Variants in ZNF600 observed in about 807,000 individuals in gnomAD.
The protein encoded by ZNF600 is zinc finger protein KR-ZNF1.
A neutral mutation model predicts 7.3 loss-of-function variants in ZNF600; 4 were observed. The observed-to-expected ratio is 0.55, with a 90% CI of 0.27 to 1.25. The LOEUF is 1.25. Among genes scored for constraint, ZNF600 ranks in the 50% most tolerant of loss-of-function variants. The probability of loss-of-function intolerance (pLI) is 0.12; values close to 1 mark genes in which losing one functional copy is unlikely to be tolerated. For synonymous variants in ZNF600, 290 were observed against 308.9 expected, an observed-to-expected ratio of 0.94 and a Z score of 0.64; for missense variants, 911 against 922.1, an observed-to-expected ratio of 0.99 and a Z score of 0.16.
At chr19:52,805,996 A>G in the ZNF600 span, 1 of 152,270 alleles carries the variant, frequency 6.6e-6, no homozygotes, top group South Asian at 2.1e-4. Flanking sequence ...TACATAAAGT[A>G]ATTAATTAAT....
exon 4 of ZNF600, chr19:52,767,365 G>T: frequency 1.2e-6 from 2 of 1,614,016 alleles, no homozygotes; most frequent in Non-Finnish European, 1.7e-6. Flanking sequence ...TGGATTTGGG[G>T]CCTAGGAGAA....
rs1319605218 is a variant in ZNF600 at position 52,773,247 on chromosome 19, T to C, written c.190+1328A>G. Among the ~76,000 whole-genome samples, 3 of 152,114 alleles carry C rather than the reference T, an allele frequency of 2.0e-5. 1 individual carries two copies. The highest frequency in any genetic ancestry group is 4.8e-5 in the African/African-American group (2 of 41,388). On this transcript the variant is annotated intron_variant, in intron 3 of 3. Transcript: ENST00000648973. The stretch of plus-strand genomic sequence containing the variant: ...ACTAGGATAGACCAAATCTTGAGCT[T>C]GGAAGAAAGTGGAACTAATTTAGCA...
chr19:52,818,479 G>A, the ZNF600 span, among the ~76,000 whole-genome samples: 1 of 152,174 alleles, frequency 6.6e-6, no homozygotes, highest in East Asian at 1.9e-4. Flanking sequence ...CTGAAAGGCC[G>A]AGGTGGGTGG....
the ZNF600 span, among the ~76,000 whole-genome samples, chr19:52,816,506 C>T: frequency 6.9e-6 from 1 of 144,844 alleles, no homozygotes; most frequent in East Asian, 2.0e-4. Flanking sequence ...CTACTAAAAA[C>T]ACAAAAAATT....
chr19:52,826,661 A>G, the ZNF600 span, among the ~76,000 whole-genome samples: 110,579 of 151,790 alleles, frequency 0.73, 40,984 homozygotes, highest in African/African-American at 0.82. Context: ...AGCCGAGACC[A>G]CACCAATGCA....
the ZNF600 span, among the ~76,000 whole-genome samples, chr19:52,818,216 G>A: frequency 3.3e-5 from 5 of 152,102 alleles, no homozygotes; most frequent in African/African-American, 9.7e-5. Context: ...CCACACACAC[G>A]CTGCAGCAGT....
At chr19:52,817,258 G>C in the ZNF600 span, among the ~76,000 whole-genome samples, 1 of 152,072 alleles carries the variant, frequency 6.6e-6, no homozygotes, top group East Asian at 1.9e-4. Flanking sequence ...TGTAATGCCA[G>C]CTACTCGGGA....
upstream of ZNF600, among the ~76,000 whole-genome samples, chr19:52,786,956 A>G (rs563217961): frequency 6.6e-6 from 1 of 152,362 alleles, no homozygotes; most frequent in South Asian, 2.1e-4. Context: ...TGGAGGCGAC[A>G]GCGGCCAGGA....
chr19:52,816,746 G>A, the ZNF600 span, among the ~76,000 whole-genome samples: 9 of 95,316 alleles, frequency 9.4e-5, 1 homozygote, highest in East Asian at 2.0e-3. Flanking sequence ...ACAGAGAATC[G>A]CTTCAACCTG....
At chr19:52,779,618 C>T (rs13346826) in intron 1 of ZNF600, among the ~76,000 whole-genome samples, 1 of 152,168 alleles carries the variant, frequency 6.6e-6, no homozygotes, top group Non-Finnish European at 1.5e-5. Flanking sequence ...CGAGCCCCAA[C>T]TCACTAAGCA....
At chr19:52,774,441 C>T (rs1000188220) in intron 3 of ZNF600, 134 bp downstream of exon 5, 2 of 882,224 alleles carry the variant, frequency 2.3e-6, no homozygotes, top group African/African-American at 4.6e-5. Flanking sequence ...AACAAAAAAA[C>T]AAAACAAAAA....
chr19:52,765,897 T>A (rs1195088254), exon 4 of ZNF600: 10 of 1,613,900 alleles, frequency 6.2e-6, no homozygotes, highest in South Asian at 1.1e-5. Context: ...TGATTGTTGA[T>A]TAAAAGCCTT....
the ZNF600 span, among the ~76,000 whole-genome samples, chr19:52,802,117 T>C: frequency 6.6e-6 from 1 of 152,214 alleles, no homozygotes; most frequent in East Asian, 1.9e-4. Flanking sequence ...ACTATATTGG[T>C]AAATAATCCA....
chr19:52,801,113 T>C, the ZNF600 span: 1 of 1,614,140 alleles, frequency 6.2e-7, no homozygotes, highest in Non-Finnish European at 8.5e-7. Flanking sequence ...ATACATCACA[T>C]TTACATTGTT....
chr19:52,767,630 A>T, exon 4 of ZNF600: 1 of 1,614,016 alleles, frequency 6.2e-7, no homozygotes, highest in South Asian at 1.1e-5. Context: ...ACTCAATATC[A>T]TGAATTTCTT....
the ZNF600 span, among the ~76,000 whole-genome samples, chr19:52,820,892 GCT>G: frequency 6.6e-6 from 1 of 151,828 alleles, no homozygotes. Flanking sequence ...GTTTTCTACT[GCT>G]CTCTTAGTCC....
At chr19:52,824,755 C>T in the ZNF600 span, among the ~76,000 whole-genome samples, 2 of 152,026 alleles carry the variant, frequency 1.3e-5, no homozygotes, top group Admixed American at 6.6e-5. Flanking sequence ...CACCAAAAAC[C>T]GTGAAAGCTG....
the ZNF600 span, chr19:52,808,238 C>T: frequency 6.5e-7 from 1 of 1,535,994 alleles, no homozygotes; most frequent in African/African-American, 1.4e-5. Context: ...AGTGAATGTT[C>T]TCACAAATCC....
At chr19:52,800,220 T>C in the ZNF600 span, 2 of 1,613,576 alleles carry the variant, frequency 1.2e-6, no homozygotes, top group Middle Eastern at 1.7e-4. Flanking sequence ...ATGAAGTTTA[T>C]GATGACATGC....
Sources: gnomAD v4.1 joint callset for allele counts (sites outside exome capture counted in the v4.1 genomes callset) on GRCh38, gnomAD v4.1.1 for gene constraint, MANE v1.5 for transcripts, NCBI Gene and HGNC (gene_info 2026-07-23, HGNC 2026-07-21) for gene names.